GMFB: variants seen among roughly 807,000 people sequenced by gnomAD.
GMFB encodes the protein glia maturation factor beta.
In GMFB, 13 loss-of-function variants were observed where a neutral mutation model predicts 25.6. That is an observed-to-expected ratio of 0.51 (90% CI 0.33 to 0.81). The LOEUF is 0.81. GMFB is among the 30% of genes least tolerant of loss of function. GMFB has a pLI of 0.02. For missense variants in GMFB, 146 were observed against 175.4 expected (o/e 0.83, Z 0.95); for synonymous variants, 57 against 56.9 (o/e 1.00, Z 0.00).
chr14:54,478,299 G>A (rs936870092), intron 6 of GMFB, 140 bp from the exon 7 acceptor site: 1 of 449,496 alleles, frequency 2.2e-6, no homozygotes, highest in Non-Finnish European at 4.0e-6. Context: ...ACCAAATTCT[G>A]CTTCCTTTCA....
intron 1 of GMFB, chr14:54,484,028 C>G: frequency 1.8e-6 from 1 of 560,096 alleles, no homozygotes; most frequent in Non-Finnish European, 3.4e-6. Flanking sequence ...GTCTCAAAAA[C>G]CACACACATA....
intron 1 of GMFB, 35 bp downstream of exon 1, chr14:54,488,890 G>T (rs747493801): frequency 1.3e-6 from 2 of 1,547,398 alleles, no homozygotes; most frequent in Non-Finnish European, 1.7e-6. Context: ...GGCTCGCCCA[G>T]CCCTCCGGCC....
At chr14:54,482,938 T>C (rs957619053) in intron 2 of GMFB, among the ~76,000 whole-genome samples, 38 of 152,248 alleles carry the variant, frequency 2.5e-4, no homozygotes, top group African/African-American at 9.1e-4. Flanking sequence ...TATGTCGACA[T>C]TGCAGTATTT....
At chr14:54,482,104 A>G (rs770813304) in intron 3 of GMFB, 49 bp downstream of exon 3, 1 of 1,188,158 alleles carries the variant, frequency 8.4e-7, no homozygotes, top group South Asian at 1.2e-5. Context: ...ATCTTTTGAG[A>G]AATAATAATT....
In GMFB at chr14:54,480,899, C is replaced by G; in HGVS notation, c.258G>C (p.Leu86=). ...QHDDGRVSYP[L]CFIFSSPVGC... is the part of the protein sequence containing the mutation. Reference sequence around the variant, plus strand: ...CAACAGGACTGGAGAAAATAAAGCACAGAGGATATGAAACTCTTCCATCAT... The same window carrying G: ...CAACAGGACTGGAGAAAATAAAGCAGAGAGGATATGAAACTCTTCCATCAT... The change falls in exon 5 of 7, where the codon CTG becomes CTC. Residue 86 remains leucine (L), a synonymous_variant. Coordinates refer to ENST00000358056, the MANE Select transcript of GMFB (RefSeq NM_004124.3). The G allele has an allele frequency of 6.6e-7, 1 of 1,526,328 alleles. No homozygotes were observed. Among genetic ancestry groups the G allele is most frequent in the Non-Finnish European group, 9.0e-7 (1 of 1,110,100 alleles). 94.5% of individuals were successfully genotyped at this position (1,526,328 alleles called of 1,614,324 possible).
At chr14:54,486,727 G>T (rs767298125) in intron 1 of GMFB, among the ~76,000 whole-genome samples, 18 of 152,152 alleles carry the variant, frequency 1.2e-4, no homozygotes, top group Non-Finnish European at 2.4e-4. Context: ...TCACGAAACA[G>T]ATACTATTAT....
intron 5 of GMFB, 173 bp downstream of exon 5, chr14:54,480,701 A>C: frequency 2.1e-6 from 1 of 478,426 alleles, no homozygotes; most frequent in Non-Finnish European, 3.8e-6. Context: ...ATGATGCTTC[A>C]TTCTTTCTAG....
Position 54,479,789 on chromosome 14 carries a change from G to T in GMFB, c.354C>A (p.Thr118=), listed in dbSNP as rs1267291735. 1.9e-6 allele frequency: 3 copies of T among 1,564,506 alleles called. No homozygotes were observed. The highest frequency in any genetic ancestry group is 4.5e-5 in the East Asian group (2 of 44,522). The change falls in exon 6 of 7, where the codon ACC becomes ACA. Residue 118 remains threonine (T), a synonymous_variant. Coordinates refer to ENST00000358056, the MANE Select transcript of GMFB (RefSeq NM_004124.3). ...KNKLVQTAEL[T]KVFEIRNTED... is the part of the protein sequence containing the mutation. ...GTCAGTCAAATATAAATACCACCTT[G>T]GTTAGTTCAGCTGTCTGGACTAGCT...
At chr14:54,487,718 A>G (rs2031807124) in intron 1 of GMFB, among the ~76,000 whole-genome samples, 2 of 152,160 alleles carry the variant, frequency 1.3e-5, no homozygotes, top group Non-Finnish European at 2.9e-5. Flanking sequence ...CGACTCAAAG[A>G]AAAAAAAGTA....
chr14:54,488,945 G>A lies in GMFB; in HGVS notation c.-18C>T, dbSNP rs751446297. 41 of 1,559,224 alleles carry A rather than the reference G, an allele frequency of 2.6e-5. No individual in the cohort carries two copies. The highest frequency in any genetic ancestry group is 3.4e-5 in the Non-Finnish European group (39 of 1,155,710). ...CTCACCATTTTCCTTCCGGCCGTCA[G>A]CGGCCTGTCGCCTACACTCGGGCGC... is the stretch of plus-strand genomic sequence containing the variant. On this transcript the variant is annotated 5_prime_UTR_variant, in exon 1 of 7. Coordinates refer to ENST00000358056, the MANE Select transcript of GMFB (RefSeq NM_004124.3).
intron 6 of GMFB, 27 bp from the exon 7 acceptor site, chr14:54,478,186 ATACTTTGACACTCC>A: frequency 3.0e-5 from 26 of 852,704 alleles, no homozygotes; most frequent in Non-Finnish European, 4.0e-5. Context: ...AACTTGGGTC[ATACTTTGACACTCC>A]AAAAAAAAAG....
chr14:54,480,016 C>T (rs2031690239), intron 5 of GMFB, 157 bp from the exon 6 acceptor site: 3 of 546,108 alleles, frequency 5.5e-6, no homozygotes, highest in Non-Finnish European at 9.8e-6. Context: ...ACATTGCACA[C>T]TGCCTACAGA....
chr14:54,480,653 C>T (rs928422580), intron 5 of GMFB: 18 of 381,580 alleles, frequency 4.7e-5, no homozygotes, highest in African/African-American at 1.5e-4. Flanking sequence ...AACAATTACA[C>T]GTCTAGAAAT....
At chr14:54,479,331 A>C (rs951570549) in intron 6 of GMFB, 1 of 152,372 alleles carries the variant, frequency 6.6e-6, no homozygotes, top group African/African-American at 2.4e-5. Flanking sequence ...TTCTCATATA[A>C]AACAGAATGT....
intron 2 of GMFB, 178 bp downstream of exon 2, chr14:54,483,493 T>C (rs574618778): frequency 3.4e-5 from 20 of 582,434 alleles, no homozygotes; most frequent in African/African-American, 3.2e-4. Context: ...AATCCACCTC[T>C]GTTCTGTGAC....
chr14:54,481,558 AC>A, intron 3 of GMFB, 100 bp from the exon 4 acceptor site: 1 of 714,420 alleles, frequency 1.4e-6, no homozygotes. Flanking sequence ...TAAATTTATT[AC>A]CACATGCTAC....
chr14:54,484,106 T>G (rs556525308), intron 1 of GMFB: 4 of 355,304 alleles, frequency 1.1e-5, no homozygotes, highest in South Asian at 7.3e-5. Flanking sequence ...AATCACTGTC[T>G]GCTGTTAGAA....
Position 54,479,807 on chromosome 14 carries a change from G to C in GMFB, c.336C>G (p.Val112=), listed in dbSNP as rs778164384. The change falls in exon 6 of 7, where the codon GTC becomes GTG. Residue 112 remains valine (V), a synonymous_variant. Transcript: ENST00000358056. The part of the protein sequence containing the change: ...MMYAGSKNKL[V]QTAELTKVFE... ...CCACCTTGGTTAGTTCAGCTGTCTG[G>C]ACTAGCTTATTCTTACTTCCAGCAT... 4 of 1,598,244 alleles carry C rather than the reference G, an allele frequency of 2.5e-6. No individual in the cohort carries two copies. In the South Asian group the frequency reaches 4.4e-5, roughly 18 times the overall value.
At chr14:54,479,043 T>A (rs183185809) in intron 6 of GMFB, 1 of 152,160 alleles carries the variant, frequency 6.6e-6, no homozygotes, top group East Asian at 1.9e-4. Flanking sequence ...TCACATGGGC[T>A]AAGGGGAAAC....
Sources: gnomAD v4.1 joint callset for allele counts (sites outside exome capture counted in the v4.1 genomes callset) on GRCh38, gnomAD v4.1.1 for gene constraint, MANE v1.5 for transcripts, NCBI Gene and HGNC (gene_info 2026-07-23, HGNC 2026-07-21) for gene names.